The following SMYD3 variants were observed in gnomAD, a reference collection of about 807,000 sequenced individuals.
SMYD3 encodes SET and MYND domain containing 3, also known as histone-lysine N-methyltransferase SMYD3.
A neutral mutation model predicts 57.7 loss-of-function variants in SMYD3; 36 were observed. That is an observed-to-expected ratio of 0.62 (90% CI 0.48 to 0.82). The LOEUF (loss-of-function observed/expected upper bound fraction) is 0.82, where lower values mean the gene tolerates loss of function less well. Among genes scored for constraint, SMYD3 ranks in the 40% least tolerant of loss-of-function variants. SMYD3 has a pLI of 0.00. For missense variants in SMYD3, 515 were observed against 538.8 expected (o/e 0.96, Z 0.44); for synonymous variants, 211 against 195.0 (o/e 1.08, Z -0.68).
intron 5 of SMYD3, among the ~76,000 whole-genome samples, chr1:246,130,148 A>G (rs1047515101): frequency 2.0e-5 from 3 of 152,208 alleles, no homozygotes; most frequent in Non-Finnish European, 2.9e-5. Context: ...CAATTTTTCT[A>G]TCATCATAGA....
At chr1:246,372,478 T>C (rs768079551) in intron 1 of SMYD3, among the ~76,000 whole-genome samples, 1 of 152,256 alleles carries the variant, frequency 6.6e-6, no homozygotes, top group African/African-American at 2.4e-5. Context: ...GCACTTAGTA[T>C]GAATTAATTT....
At chr1:245,966,597 T>C (rs984750627) in intron 5 of SMYD3, among the ~76,000 whole-genome samples, 1 of 152,230 alleles carries the variant, frequency 6.6e-6, no homozygotes, top group African/African-American at 2.4e-5. Flanking sequence ...TATTTCCTTC[T>C]AATCTTTTCT....
chr1:246,266,661 G>A (rs10924658), intron 5 of SMYD3, among the ~76,000 whole-genome samples: 28,538 of 152,034 alleles, frequency 0.19, 4,226 homozygotes, highest in East Asian at 0.73. Context: ...GCATGGTGGT[G>A]CACACCTGTA....
intron 5 of SMYD3, among the ~76,000 whole-genome samples, chr1:246,049,865 T>C (rs2060037609): frequency 6.6e-6 from 1 of 152,190 alleles, no homozygotes; most frequent in Admixed American, 6.5e-5. Context: ...CATCTCAATG[T>C]TTCAGTCATT....
At chr1:246,456,262 T>C (rs778156324) in intron 1 of SMYD3, among the ~76,000 whole-genome samples, 1 of 152,230 alleles carries the variant, frequency 6.6e-6, no homozygotes, top group Non-Finnish European at 1.5e-5. Flanking sequence ...AACCCTGGCT[T>C]CACATTAGCA....
At chr1:245,779,190 A>G (rs898792852) in intron 10 of SMYD3, among the ~76,000 whole-genome samples, 1 of 152,024 alleles carries the variant, frequency 6.6e-6, no homozygotes, top group African/African-American at 2.4e-5. Flanking sequence ...AAGAAAAAGA[A>G]AAAGAAAATG....
At chr1:245,765,832 G>A (rs1292254526) in intron 10 of SMYD3, among the ~76,000 whole-genome samples, 1 of 152,092 alleles carries the variant, frequency 6.6e-6, no homozygotes, top group Non-Finnish European at 1.5e-5. Flanking sequence ...CCATGTGCCA[G>A]GCGCTGTTCC....
chr1:246,233,434 A>G (rs2063454840), intron 5 of SMYD3, among the ~76,000 whole-genome samples: 1 of 132,064 alleles, frequency 7.6e-6, no homozygotes, highest in Non-Finnish European at 1.6e-5. Context: ...CACAGAGGAG[A>G]AGCACTCCTT....
At chr1:246,402,270 C>T (rs1015041738) in intron 1 of SMYD3, among the ~76,000 whole-genome samples, 1 of 151,748 alleles carries the variant, frequency 6.6e-6, no homozygotes, top group Non-Finnish European at 1.5e-5. Context: ...TATTATTAAA[C>T]TTGCCAACTA....
At chr1:246,094,758 A>C (rs2060884153) in intron 5 of SMYD3, among the ~76,000 whole-genome samples, 1 of 152,112 alleles carries the variant, frequency 6.6e-6, no homozygotes, top group South Asian at 2.1e-4. Context: ...TCATTTCTTC[A>C]CGGCTAATGT....
At chr1:245,899,277 G>A (rs1005415951) in intron 8 of SMYD3, among the ~76,000 whole-genome samples, 1 of 152,070 alleles carries the variant, frequency 6.6e-6, no homozygotes, top group African/African-American at 2.4e-5. Flanking sequence ...CAAATTGATA[G>A]TACAGAGATC....
At chr1:246,032,589 C>T (rs1176393804) in intron 5 of SMYD3, among the ~76,000 whole-genome samples, 1 of 152,154 alleles carries the variant, frequency 6.6e-6, no homozygotes, top group Non-Finnish European at 1.5e-5. Flanking sequence ...CATTCCCTCG[C>T]ATTCAAATGC....
At chr1:245,920,185 C>T (rs1024743215) in intron 7 of SMYD3, among the ~76,000 whole-genome samples, 17 of 152,018 alleles carry the variant, frequency 1.1e-4, no homozygotes, top group South Asian at 2.1e-4. Flanking sequence ...TGGTGGCGGG[C>T]GCCTGTAGTC....
chr1:246,423,855 C>T (rs1047980345), intron 1 of SMYD3, among the ~76,000 whole-genome samples: 1 of 152,168 alleles, frequency 6.6e-6, no homozygotes, highest in African/African-American at 2.4e-5. Context: ...AGAAACTTTG[C>T]CACAGAAGTT....
At chr1:246,223,289 T>C (rs550343977) in intron 5 of SMYD3, among the ~76,000 whole-genome samples, 9 of 152,232 alleles carry the variant, frequency 5.9e-5, no homozygotes, top group African/African-American at 1.9e-4. Flanking sequence ...AGATGGAAGG[T>C]GTTCTCAGAA....
chr1:246,477,849 T>A (rs1419317929), intron 1 of SMYD3, among the ~76,000 whole-genome samples: 2 of 152,164 alleles, frequency 1.3e-5, no homozygotes, highest in Non-Finnish European at 2.9e-5. Context: ...AGAATGAATC[T>A]GTAATTTAAA....
intron 1 of SMYD3, among the ~76,000 whole-genome samples, chr1:246,419,248 C>A (rs1184879173): frequency 6.6e-6 from 1 of 152,138 alleles, no homozygotes; most frequent in African/African-American, 2.4e-5. Flanking sequence ...ATCCCACCAC[C>A]CTTTGCTGAC....
chr1:246,348,060 T>TTG (rs1553336532), intron 2 of SMYD3, among the ~76,000 whole-genome samples: 1 of 82,978 alleles, frequency 1.2e-5, no homozygotes, highest in African/African-American at 4.2e-5. Flanking sequence ...AAAGAAAACG[T>TTG]TATATATATA....
rs763455546 is a variant in SMYD3, at chr1:246,187,574, G to GA, written c.531+139626dup. On this transcript the variant is annotated intron_variant, in intron 5 of 11. Transcript: ENST00000490107. ...AGGGATTTTTCAATAGCTCCACTGT[G>GA]AAAAAACAAGCACATCTTAAAACTA... Among the ~76,000 whole-genome samples, 7 of 152,132 alleles carry GA rather than the reference G, an allele frequency of 4.6e-5. No individual in the cohort carries two copies. In the South Asian group the frequency reaches 6.2e-4, roughly 13 times the overall value.
Sources: gnomAD v4.1 joint callset for allele counts (sites outside exome capture counted in the v4.1 genomes callset) on GRCh38, gnomAD v4.1.1 for gene constraint, MANE v1.5 for transcripts, NCBI Gene and HGNC (gene_info 2026-07-23, HGNC 2026-07-21) for gene names.